The following PRKAR1B variants were observed in gnomAD, a reference collection of about 807,000 sequenced individuals.
PRKAR1B encodes protein kinase cAMP-dependent type I regulatory subunit beta.
A neutral mutation model predicts 46.5 loss-of-function variants in PRKAR1B; 22 were observed. The ratio of observed to expected loss-of-function variants is 0.47; its 90% CI spans 0.34 to 0.68. The LOEUF (loss-of-function observed/expected upper bound fraction) is 0.68, where lower values mean the gene tolerates loss of function less well. Ranked by LOEUF, PRKAR1B falls within the 30% of genes least tolerant of loss-of-function variation. The probability of loss-of-function intolerance (pLI) is 0.01; values close to 1 mark genes in which losing one functional copy is unlikely to be tolerated. For missense variants in PRKAR1B, 445 were observed against 535.6 expected, an observed-to-expected ratio of 0.83 and a Z score of 1.67; for synonymous variants, 259 against 217.7, an observed-to-expected ratio of 1.19 and a Z score of -1.67.
chr7:682,520 T>C (rs1425740100), intron 2 of PRKAR1B, among the ~76,000 whole-genome samples: 2 of 151,906 alleles, frequency 1.3e-5, no homozygotes, highest in Non-Finnish European at 1.5e-5. Context: ...CCGAGATGGG[T>C]GGATCACGAG....
At chr7:711,741 TGGAGGGGGCTCAGGCAGGGGG>T (rs1034464606) in intron 1 of PRKAR1B, among the ~76,000 whole-genome samples, 9 of 150,590 alleles carry the variant, frequency 6.0e-5, no homozygotes, top group African/African-American at 1.2e-4. Context: ...CCGGCAGGGG[TGGAGGGGGCTCAGGCAGGGGG>T]GGAGGGGGCT....
At chr7:583,830 A>AC (rs533929912) in intron 8 of PRKAR1B, among the ~76,000 whole-genome samples, 8 of 149,482 alleles carry the variant, frequency 5.4e-5, no homozygotes, top group South Asian at 2.1e-4. Flanking sequence ...ACGCACACAC[A>AC]CCCCCATGTG....
chr7:595,447 C>T (rs1781217070), intron 7 of PRKAR1B, among the ~76,000 whole-genome samples: 1 of 152,212 alleles, frequency 6.6e-6, no homozygotes, highest in East Asian at 1.9e-4. Context: ...TCCAGCTGCC[C>T]TGCCTGTGTT....
Position 554,623 on chromosome 7 carries a change from C to T in PRKAR1B, c.892-3153G>A, listed in dbSNP as rs532359410. On this transcript the variant is annotated intron_variant, in intron 9 of 10. Transcript: ENST00000537384. The stretch of plus-strand genomic sequence containing the variant: ...GGGGAGGCCACGGATCCCACAGAGC[C>T]GGAAGACAGGGGAGGCCACGGATCC... Among the ~76,000 whole-genome samples, 72 of 150,118 alleles carry T rather than the reference C, an allele frequency of 4.8e-4. 1 individual carries two copies. Among genetic ancestry groups the T allele is most frequent in the African/African-American group, 1.5e-3 (60 of 40,522 alleles).
At chr7:584,683 A>C (rs928956345) in intron 7 of PRKAR1B, 115 bp from the exon 8 acceptor site, 4 of 894,734 alleles carry the variant, frequency 4.5e-6, no homozygotes, top group Non-Finnish European at 7.1e-6. Flanking sequence ...CCCTCCAAGC[A>C]TTCCAAGTCC....
chr7:564,391 G>A (rs1311273624), intron 9 of PRKAR1B, among the ~76,000 whole-genome samples: 2 of 152,184 alleles, frequency 1.3e-5, no homozygotes, highest in Non-Finnish European at 2.9e-5. Context: ...CTCCCTCTGG[G>A]AGGACTCTGT....
chr7:727,113 G>GCGCCGCC, intron 1 of PRKAR1B, 97 bp downstream of exon 1: 1 of 1,114,458 alleles, frequency 9.0e-7, no homozygotes, highest in Non-Finnish European at 1.1e-6. Context: ...CCGTGCCCGC[G>GCGCCGCC]CGCCGCCCGC....
chr7:660,242 C>A (rs1199391818), intron 4 of PRKAR1B, among the ~76,000 whole-genome samples: 1 of 151,886 alleles, frequency 6.6e-6, no homozygotes, highest in Non-Finnish European at 1.5e-5. Flanking sequence ...TCAGTCTCCC[C>A]GGGGACATGG....
intron 2 of PRKAR1B, among the ~76,000 whole-genome samples, chr7:688,785 G>A (rs1315353104): frequency 2.6e-4 from 39 of 152,192 alleles, no homozygotes; most frequent in Admixed American, 2.6e-3. Flanking sequence ...CAATCTCACA[G>A]TTACCTATCT....
intron 1 of PRKAR1B, chr7:726,514 G>C: frequency 5.1e-6 from 2 of 394,218 alleles, no homozygotes; most frequent in Non-Finnish European, 8.8e-6. Flanking sequence ...ATGGGGACAG[G>C]ACAAGGCCCA....
chr7:691,630 G>A (rs1779432554), intron 2 of PRKAR1B: 3 of 1,302,762 alleles, frequency 2.3e-6, no homozygotes, highest in Non-Finnish European at 3.0e-6. Context: ...GTGCTGAATG[G>A]CATGTGGCCT....
chr7:702,685 T>G (rs1220047817), intron 2 of PRKAR1B, among the ~76,000 whole-genome samples: 1 of 152,074 alleles, frequency 6.6e-6, no homozygotes, highest in Non-Finnish European at 1.5e-5. Context: ...TTGCCGGGTG[T>G]GGTGGCAGGT....
intron 2 of PRKAR1B, among the ~76,000 whole-genome samples, chr7:707,331 G>C (rs902156976): frequency 1.3e-5 from 2 of 152,174 alleles, no homozygotes; most frequent in Non-Finnish European, 2.9e-5. Context: ...CATTTTGGCG[G>C]ACGCCCCTCA....
intron 9 of PRKAR1B, among the ~76,000 whole-genome samples, chr7:568,513 A>G (rs1388618921): frequency 6.6e-6 from 1 of 152,228 alleles, no homozygotes; most frequent in African/African-American, 2.4e-5. Flanking sequence ...GACTTCCCAG[A>G]AGGACCAAGT....
chr7:615,825 C>CAAAAAAAAA (rs71016887), intron 4 of PRKAR1B, among the ~76,000 whole-genome samples: 2 of 94,420 alleles, frequency 2.1e-5, no homozygotes, highest in East Asian at 2.8e-4. Flanking sequence ...AAGACTCCAT[C>CAAAAAAAAA]AAAAAAAAAA....
At chr7:631,076 C>T (rs567648005) in intron 4 of PRKAR1B, among the ~76,000 whole-genome samples, 1 of 152,090 alleles carries the variant, frequency 6.6e-6, no homozygotes, top group African/African-American at 2.4e-5. Context: ...CTCAGCCTCC[C>T]GAGTAACTGG....
intron 3 of PRKAR1B, among the ~76,000 whole-genome samples, chr7:678,744 G>A (rs1583405849): frequency 6.6e-6 from 1 of 152,370 alleles, no homozygotes; most frequent in East Asian, 1.9e-4. Context: ...TTGAGAGACA[G>A]CAATGAAATC....
chr7:634,925 C>A (rs1463169438), intron 4 of PRKAR1B, among the ~76,000 whole-genome samples: 1 of 152,086 alleles, frequency 6.6e-6, no homozygotes, highest in Non-Finnish European at 1.5e-5. Flanking sequence ...CAGGTGTGAG[C>A]CACCGCACCC....
intron 9 of PRKAR1B, among the ~76,000 whole-genome samples, chr7:573,288 G>A (rs542188722): frequency 1.3e-5 from 2 of 152,328 alleles, no homozygotes; most frequent in Admixed American, 6.5e-5. Flanking sequence ...CCCGGAGGAC[G>A]TGCAAGGCGC....
Sources: allele counts gnomAD v4.1 joint callset (sites outside exome capture counted in the v4.1 genomes callset), GRCh38; gene constraint gnomAD v4.1.1; transcripts MANE v1.5; gene names NCBI Gene and HGNC (gene_info 2026-07-23, HGNC 2026-07-21).